Variants in RNF14 observed in about 807,000 individuals in gnomAD.
The protein encoded by RNF14 is E3 ubiquitin-protein ligase RNF14.
A neutral mutation model predicts 52.6 loss-of-function variants in RNF14; 26 were observed. The ratio of observed to expected loss-of-function variants is 0.49; its 90% CI spans 0.36 to 0.69. The LOEUF (loss-of-function observed/expected upper bound fraction) is 0.69. Ranked by LOEUF, RNF14 falls within the 30% of genes least tolerant of loss-of-function variation. The pLI, the probability that RNF14 is intolerant of heterozygous loss-of-function variation, is 0.00. For synonymous variants in RNF14, 194 were observed against 202.0 expected (o/e 0.96, Z 0.34); for missense variants, 404 against 560.4 (o/e 0.72, Z 2.82).
upstream of RNF14, chr5:141,957,944 CCG>C: frequency 7.0e-7 from 1 of 1,425,990 alleles, no homozygotes; most frequent in African/African-American, 1.4e-5. The surrounding 1 kb of genome is among the most constrained non-coding windows in gnomAD (Gnocchi z 4.3). Flanking sequence ...TTGATCAGCC[CCG>C]TGCTCCTTCC....
At chr5:141,957,416 C>G, upstream of RNF14, 1 of 1,613,038 alleles carries the variant, frequency 6.2e-7, no homozygotes, top group Non-Finnish European at 8.5e-7. The surrounding 1 kb of genome is among the most constrained non-coding windows in gnomAD (Gnocchi z 4.3). Context: ...GAGGCGCTCT[C>G]AGAGATTTCC....
upstream of RNF14, chr5:141,955,676 A>G (rs164073): frequency 0.6 from 962,345 of 1,613,552 alleles, 294,912 homozygotes; most frequent in African/African-American, 0.88. This position sits in a 1 kb window ranked among gnomAD's most constrained non-coding sequence, Gnocchi z 5.5. Flanking sequence ...AAGATGCCCA[A>G]CAGTACAGCC....
upstream of RNF14, chr5:141,955,520 C>G: frequency 6.2e-7 from 1 of 1,614,148 alleles, no homozygotes; most frequent in Non-Finnish European, 8.5e-7. The surrounding 1 kb of genome is among the most constrained non-coding windows in gnomAD (Gnocchi z 5.5). Flanking sequence ...AGCACAGGCA[C>G]GAGGTGGATG....
upstream of RNF14, chr5:141,955,574 G>A (rs1019202281): frequency 1.1e-5 from 18 of 1,614,124 alleles, no homozygotes; most frequent in East Asian, 4.5e-5. This position sits in a 1 kb window ranked among gnomAD's most constrained non-coding sequence, Gnocchi z 5.5. Flanking sequence ...GGCTGCTGGC[G>A]GTAGGTGGAC....
the RNF14 span, among the ~76,000 whole-genome samples, chr5:141,951,021 A>G: frequency 1.5e-4 from 23 of 152,308 alleles, no homozygotes; most frequent in South Asian, 4.8e-3. Flanking sequence ...CAGTTTCTCC[A>G]TCCGTAACAA....
chr5:141,974,433 C>T (rs1241838698), intron 3 of RNF14, among the ~76,000 whole-genome samples: 4 of 152,196 alleles, frequency 2.6e-5, no homozygotes, highest in African/African-American at 9.7e-5. Context: ...GTAGGTCATG[C>T]TGTTCAATGG....
upstream of RNF14, chr5:141,957,648 C>A (rs779403556): frequency 4.3e-6 from 7 of 1,614,094 alleles, no homozygotes; most frequent in African/African-American, 9.3e-5. This position sits in a 1 kb window ranked among gnomAD's most constrained non-coding sequence, Gnocchi z 4.3. Context: ...GCAGCTGCAA[C>A]ACCTGGAAGG....
At chr5:141,975,293 T>G (rs557735441) in intron 4 of RNF14, among the ~76,000 whole-genome samples, 7 of 152,358 alleles carry the variant, frequency 4.6e-5, no homozygotes, top group African/African-American at 1.4e-4. Flanking sequence ...ACATTGATAC[T>G]ACTTTTCTCT....
chr5:141,976,031 A>G (rs79182959), intron 4 of RNF14, among the ~76,000 whole-genome samples: 3,581 of 152,228 alleles, frequency 0.024, 79 homozygotes, highest in African/African-American at 0.06. Context: ...TTCCCCATCC[A>G]CCAATCTAAT....
chr5:141,983,254 T>C, intron 6 of RNF14, 126 bp from the exon 7 acceptor site: 1 of 762,606 alleles, frequency 1.3e-6, no homozygotes, highest in East Asian at 2.8e-5. Context: ...TGACTTTGGA[T>C]TATTTCCTTA....
At chr5:141,957,725 C>A (rs377134990), upstream of RNF14, 22 of 1,613,998 alleles carry the variant, frequency 1.4e-5, no homozygotes, top group Non-Finnish European at 1.9e-5. The surrounding 1 kb of genome is among the most constrained non-coding windows in gnomAD (Gnocchi z 4.3). Context: ...ATCACTGTAC[C>A]AGATGGCACT....
At chr5:141,956,576 A>G (rs1203302759), upstream of RNF14, 4 of 1,614,168 alleles carry the variant, frequency 2.5e-6, no homozygotes, top group Non-Finnish European at 3.4e-6. Flanking sequence ...GTGAGGGTAT[A>G]TTTGGGCCAC....
At chr5:141,967,289 A>G (rs896086010), upstream of RNF14, among the ~76,000 whole-genome samples, 1 of 152,224 alleles carries the variant, frequency 6.6e-6, no homozygotes, top group African/African-American at 2.4e-5. Flanking sequence ...GGGTGAGAGC[A>G]CAGCATCAAA....
intron 3 of RNF14, 109 bp from the exon 4 acceptor site, chr5:141,974,695 T>G: frequency 9.5e-7 from 1 of 1,048,756 alleles, no homozygotes; most frequent in Non-Finnish European, 1.4e-6. Flanking sequence ...TGGGGGAGGG[T>G]TTTTATTCCC....
Position 141,988,591 on chromosome 5 carries a change from CTCTT to C in RNF14, c.*803_*806del, listed in dbSNP as rs1436644416. The C allele has an allele frequency of 6.6e-6, 1 of 152,312 alleles. No individual in the cohort carries two copies. The highest frequency in any genetic ancestry group is 1.5e-5 in the Non-Finnish European group (1 of 68,040). The allele number at this position is 152,312 out of a possible 1,614,324, so 9.4% of individuals were successfully genotyped here. ...TTGCTACTTTTGTTCCACATTCTCTCTCTTTACCTTTGCCCTACCTTCTGTTTGT... is the reference window on the plus strand; with the variant it reads ...TTGCTACTTTTGTTCCACATTCTCTCTACCTTTGCCCTACCTTCTGTTTGT... On this transcript the variant is annotated 3_prime_UTR_variant, in exon 9 of 9. Coordinates refer to ENST00000394520, the MANE Select transcript of RNF14 (RefSeq NM_004290.5).
Position 141,974,803 on chromosome 5 carries a change from G to A in RNF14, c.155-1G>A. 1 of 1,613,658 alleles carries A rather than the reference G, an allele frequency of 6.2e-7. No individual in the cohort carries two copies. The highest frequency in any genetic ancestry group is 1.1e-5 in the South Asian group (1 of 91,046). On this transcript the variant is annotated splice_acceptor_variant, in intron 3 of 8. Coordinates refer to ENST00000394520, the MANE Select transcript of RNF14 (RefSeq NM_004290.5). LOFTEE classifies it high-confidence loss of function. The stretch of plus-strand genomic sequence containing the variant: ...CTTTCTAATCTTTGTTTTTGGTTCA[G>A]GCAATTCAAATGAGTGTCTCCAGAA...
Position 141,988,540 on chromosome 5 carries a change from G to A in RNF14, c.*750G>A, listed in dbSNP as rs1755426925. 1 of 152,278 alleles carries A rather than the reference G, an allele frequency of 6.6e-6. No homozygotes were observed. The highest frequency in any genetic ancestry group is 2.1e-4 in the South Asian group (1 of 4,818). 9.4% of individuals were successfully genotyped at this position (152,278 alleles called of 1,614,324 possible). A position where few individuals can be genotyped will look rare whatever the true frequency, so the allele number is the denominator to read the frequency against. ...TTCTATTCAGCCTTCCTGGGTGTTA[G>A]AACCTAGATTCAAAATGGCTTGTCT... On this transcript the variant is annotated 3_prime_UTR_variant, in exon 9 of 9. Coordinates refer to ENST00000394520, the MANE Select transcript of RNF14 (RefSeq NM_004290.5).
At chr5:141,966,953 A>C (rs1333460018), upstream of RNF14, 3 of 152,374 alleles carry the variant, frequency 2.0e-5, no homozygotes, top group Non-Finnish European at 4.4e-5. Flanking sequence ...TTGGCTAAAC[A>C]TGAATAATTA....
At chr5:141,957,435 C>T (rs1753204627), upstream of RNF14, 2 of 1,612,416 alleles carry the variant, frequency 1.2e-6, no homozygotes, top group Non-Finnish European at 1.7e-6. This position sits in a 1 kb window ranked among gnomAD's most constrained non-coding sequence, Gnocchi z 4.3. Flanking sequence ...CCAGCTCCTG[C>T]TCGCCTTTGG....
Sources: gnomAD v4.1 joint callset for allele counts (sites outside exome capture counted in the v4.1 genomes callset) on GRCh38, gnomAD v4.1.1 for gene constraint, Gnocchi (gnomAD v3.1) non-coding constraint, MANE v1.5 for transcripts, NCBI Gene and HGNC (gene_info 2026-07-23, HGNC 2026-07-21) for gene names.